BIRC6: variants seen among roughly 807,000 people sequenced by gnomAD.
The protein encoded by BIRC6 is baculoviral IAP repeat containing 6.
In BIRC6, 98 loss-of-function variants were observed where a neutral mutation model predicts 503.3. The ratio of observed to expected loss-of-function variants is 0.19; its 90% CI spans 0.17 to 0.23. The LOEUF (loss-of-function observed/expected upper bound fraction) is 0.23, where lower values mean the gene tolerates loss of function less well. Ranked by LOEUF, BIRC6 falls within the 10% of genes least tolerant of loss-of-function variation. The pLI is 1.00. For synonymous variants in BIRC6, 2,240 were observed against 2,078.7 expected, an observed-to-expected ratio of 1.08 and a Z score of -2.11; for missense variants, 5,360 against 5,806.0, an observed-to-expected ratio of 0.92 and a Z score of 2.50.
At chr2:32,376,091 C>G (rs974821671) in intron 1 of BIRC6, among the ~76,000 whole-genome samples, 1 of 150,018 alleles carries the variant, frequency 6.7e-6, no homozygotes, top group African/African-American at 2.5e-5. Flanking sequence ...GAGGCTGAGG[C>G]AGGAGAATGG....
intron 59 of BIRC6, chr2:32,527,142 CT>C (rs1181225521): frequency 6.6e-6 from 1 of 152,184 alleles, no homozygotes; most frequent in Non-Finnish European, 1.5e-5. Flanking sequence ...ACCTTTCACA[CT>C]TGTTGTTTTC....
chr2:32,368,251 A>G (rs1053215787), intron 1 of BIRC6, among the ~76,000 whole-genome samples: 13 of 151,954 alleles, frequency 8.6e-5, no homozygotes, highest in Non-Finnish European at 1.3e-4. Context: ...TAGGAGTTCA[A>G]ACTCCCTGGC....
chr2:32,395,425 T>G, intron 5 of BIRC6, 86 bp from the exon 6 acceptor site: 2 of 1,077,482 alleles, frequency 1.9e-6, no homozygotes, highest in Non-Finnish European at 2.7e-6. Context: ...TTACTTAAAA[T>G]TATGAACTTT....
intron 64 of BIRC6, among the ~76,000 whole-genome samples, chr2:32,548,349 G>T (rs1250982539): frequency 2.4e-5 from 3 of 126,954 alleles, no homozygotes; most frequent in African/African-American, 2.9e-5. Flanking sequence ...TTATTTATAT[G>T]CATTTTGGTT....
chr2:32,474,017 A>G (rs1197785289), intron 33 of BIRC6, among the ~76,000 whole-genome samples: 3 of 151,782 alleles, frequency 2.0e-5, no homozygotes, highest in African/African-American at 7.3e-5. Flanking sequence ...TGGCCTCCCA[A>G]AGTGTTGGGA....
At chr2:32,587,863 A>G (rs1217063536) in intron 66 of BIRC6, among the ~76,000 whole-genome samples, 2 of 152,168 alleles carry the variant, frequency 1.3e-5, no homozygotes. Flanking sequence ...GTAATATCCT[A>G]TGATAGGAGA....
chr2:32,616,970 C>G (rs935317715), intron 73 of BIRC6, among the ~76,000 whole-genome samples: 1 of 152,086 alleles, frequency 6.6e-6, no homozygotes, highest in Non-Finnish European at 1.5e-5. Context: ...GTGCTTCATT[C>G]CTGTAGTCCC....
At chr2:32,477,134 A>G (rs2049856329) in intron 34 of BIRC6, among the ~76,000 whole-genome samples, 1 of 152,170 alleles carries the variant, frequency 6.6e-6, no homozygotes, top group Non-Finnish European at 1.5e-5. Context: ...TGTCTGTAGA[A>G]TTTCACTTTT....
At position 32,617,924 on chromosome 2, in the gene BIRC6, C is replaced by A. The variant is rs375565437; in HGVS notation, c.*20C>A. On this transcript the variant is annotated 3_prime_UTR_variant, in exon 74 of 74. Coordinates refer to ENST00000421745, the MANE Select transcript of BIRC6 (RefSeq NM_016252.4). Reference sequence around the variant, plus strand: ...TTATGAGCTGCATTGATGTGGACTTCATAGACACAAAGGCTTCGAAGCACA... The same window carrying A: ...TTATGAGCTGCATTGATGTGGACTTAATAGACACAAAGGCTTCGAAGCACA... 30 of 1,592,896 alleles carry A rather than the reference C, an allele frequency of 1.9e-5. No individual in the cohort carries two copies. Among genetic ancestry groups the A allele is most frequent in the Non-Finnish European group, 2.5e-5 (29 of 1,165,370 alleles).
intron 71 of BIRC6, 34 bp from the exon 72 acceptor site, chr2:32,607,421 C>A: frequency 7.3e-7 from 1 of 1,375,230 alleles, no homozygotes; most frequent in Non-Finnish European, 9.6e-7. Context: ...GTAAAAATGT[C>A]CCATCATAGC....
At chr2:32,382,592 A>G (rs2037834620) in intron 3 of BIRC6, among the ~76,000 whole-genome samples, 2 of 152,378 alleles carry the variant, frequency 1.3e-5, no homozygotes, top group Non-Finnish European at 1.5e-5. Context: ...GCAGAGAATT[A>G]AAGGGTAGAT....
chr2:32,508,380 A>G, intron 51 of BIRC6, 121 bp downstream of exon 51: 2 of 1,246,134 alleles, frequency 1.6e-6, no homozygotes, highest in Non-Finnish European at 2.1e-6. Context: ...TCTTTGTTCC[A>G]TAGGTATCTG....
intron 66 of BIRC6, among the ~76,000 whole-genome samples, chr2:32,578,993 C>CAG: frequency 3.8e-5 from 1 of 26,124 alleles, no homozygotes; most frequent in Admixed American, 3.8e-4. Flanking sequence ...TATATATACA[C>CAG]TTAATATATA....
intron 10 of BIRC6, among the ~76,000 whole-genome samples, chr2:32,426,772 C>T (rs2043548793): frequency 6.6e-6 from 1 of 152,220 alleles, no homozygotes; most frequent in East Asian, 1.9e-4. Context: ...GCTTTCCTTC[C>T]TCTTAAAGGG....
intron 50 of BIRC6, among the ~76,000 whole-genome samples, chr2:32,507,372 G>C (rs1198569310): frequency 6.6e-6 from 1 of 152,212 alleles, no homozygotes; most frequent in Non-Finnish European, 1.5e-5. Flanking sequence ...GGAGGTTGCA[G>C]TGAGCTAAGA....
chr2:32,380,133 A>AT lies in BIRC6; in HGVS notation c.508-14dup. The AT allele has an allele frequency of 2.1e-6, 3 of 1,449,952 alleles. No individual in the cohort carries two copies. The highest frequency in any genetic ancestry group is 1.4e-5 in the South Asian group (1 of 70,488). 89.8% of individuals were successfully genotyped at this position (1,449,952 alleles called of 1,614,324 possible). ...GTGTTGAATTTTCTGTGATTTTTTT[A>AT]TTTTTTATTTTTTATTTAGGCACAG... On this transcript the variant is annotated intron_variant, in intron 2 of 73. Coordinates refer to ENST00000421745, the MANE Select transcript of BIRC6 (RefSeq NM_016252.4).
intron 66 of BIRC6, among the ~76,000 whole-genome samples, chr2:32,591,770 G>A (rs1340214781): frequency 1.3e-5 from 2 of 152,114 alleles, no homozygotes; most frequent in Admixed American, 1.3e-4. Context: ...AGTTACTGTT[G>A]TTTTCTTATT....
intron 61 of BIRC6, among the ~76,000 whole-genome samples, chr2:32,537,349 C>T (rs1425391317): frequency 6.6e-6 from 1 of 152,018 alleles, no homozygotes; most frequent in African/African-American, 2.4e-5. Flanking sequence ...CAAAATTGAC[C>T]ACATAGTTGG....
intron 24 of BIRC6, among the ~76,000 whole-genome samples, chr2:32,464,098 A>G (rs545019947): frequency 6.6e-6 from 1 of 152,328 alleles, no homozygotes; most frequent in South Asian, 2.1e-4. Context: ...AGTGTCTTCC[A>G]TGAAACTGGT....
Sources: gnomAD v4.1 joint callset for allele counts (sites outside exome capture counted in the v4.1 genomes callset) on GRCh38, gnomAD v4.1.1 for gene constraint, MANE v1.5 for transcripts, NCBI Gene and HGNC (gene_info 2026-07-23, HGNC 2026-07-21) for gene names.